Variants in STPG2 observed in about 807,000 individuals in gnomAD.
The protein encoded by STPG2 is sperm tail PG-rich repeat containing 2.
In STPG2, 56 loss-of-function variants were observed where a neutral mutation model predicts 54.2. That is an observed-to-expected ratio of 1.03 (90% CI 0.83 to 1.29). The LOEUF (loss-of-function observed/expected upper bound fraction) is 1.29, where lower values mean the gene tolerates loss of function less well. STPG2 is among the 50% of genes most tolerant of loss of function. STPG2 has a pLI of 0.00. For missense variants in STPG2, 596 were observed against 544.9 expected, an observed-to-expected ratio of 1.09 and a Z score of -0.93; for synonymous variants, 200 against 181.8, an observed-to-expected ratio of 1.10 and a Z score of -0.81.
At chr4:97,903,523 C>G (rs1731261884) in intron 8 of STPG2, among the ~76,000 whole-genome samples, 1 of 150,662 alleles carries the variant, frequency 6.6e-6, no homozygotes. Flanking sequence ...AATATAGAAT[C>G]AAAAATAAAG....
chr4:97,721,384 A>G (rs1001190680), intron 9 of STPG2, among the ~76,000 whole-genome samples: 2 of 152,118 alleles, frequency 1.3e-5, no homozygotes, highest in Non-Finnish European at 2.9e-5. Context: ...TCATAAGAGG[A>G]AGTTGGTTAT....
chr4:97,854,534 T>C (rs1187153667), intron 8 of STPG2, among the ~76,000 whole-genome samples: 1 of 149,522 alleles, frequency 6.7e-6, no homozygotes, highest in African/African-American at 2.4e-5. Flanking sequence ...TATTTAGTTC[T>C]TTTTTTACAC....
At chr4:97,995,186 C>A (rs958676708) in intron 5 of STPG2, among the ~76,000 whole-genome samples, 14 of 148,272 alleles carry the variant, frequency 9.4e-5, no homozygotes, top group African/African-American at 3.0e-4. Context: ...CCACCCCCTG[C>A]AATAGCACTG....
At chr4:98,117,234 T>C (rs1428584589) in intron 3 of STPG2, among the ~76,000 whole-genome samples, 2 of 152,046 alleles carry the variant, frequency 1.3e-5, no homozygotes, top group Non-Finnish European at 2.9e-5. Flanking sequence ...GGCAGTCTGT[T>C]TTTTCAACAC....
chr4:97,576,008 T>TTAC (rs1367022789), intron 10 of STPG2, among the ~76,000 whole-genome samples: 1 of 151,910 alleles, frequency 6.6e-6, no homozygotes, highest in Non-Finnish European at 1.5e-5. Flanking sequence ...GCAATCCCAT[T>TTAC]TACCATAGCC....
At chr4:97,865,446 T>A (rs1729732161) in intron 8 of STPG2, among the ~76,000 whole-genome samples, 1 of 152,154 alleles carries the variant, frequency 6.6e-6, no homozygotes, top group African/African-American at 2.4e-5. Context: ...CAACAGGTGC[T>A]GGAGAGGATG....
At chr4:98,025,876 G>T in intron 5 of STPG2, 1 of 1,598,102 alleles carries the variant, frequency 6.3e-7, no homozygotes, top group South Asian at 1.1e-5. Flanking sequence ...GCACCCTGAA[G>T]GGAGCTGTGG....
chr4:97,861,596 C>T (rs1450186472), intron 8 of STPG2, among the ~76,000 whole-genome samples: 1 of 152,000 alleles, frequency 6.6e-6, no homozygotes, highest in South Asian at 2.1e-4. Context: ...AATCTGGAAG[C>T]AACTTACGCG....
rs1174271479 is a variant in STPG2 at position 97,904,325 on chromosome 4, C to A, written c.1044+39572G>T. ...CCGAGCAGCCTAACTGGGAGGCACC[C>A]CCCAGCAGGGGCAGACTGACACCTC... is the stretch of plus-strand genomic sequence containing the variant. On this transcript the variant is annotated intron_variant, in intron 8 of 10. Transcript: ENST00000295268. Among the ~76,000 whole-genome samples the A allele has an allele frequency of 2.1e-4, 32 of 152,316 alleles. No homozygotes were observed. The East Asian group carries it at 2.3e-3, about 11-fold the overall frequency.
chr4:97,721,635 C>A (rs895480916), intron 9 of STPG2, among the ~76,000 whole-genome samples: 1 of 151,852 alleles, frequency 6.6e-6, no homozygotes, highest in African/African-American at 2.4e-5. Context: ...TATATGATGA[C>A]CGAAAGCTTA....
intron 4 of STPG2, among the ~76,000 whole-genome samples, chr4:97,480,066 C>T (rs1053704980): frequency 6.6e-6 from 1 of 151,620 alleles, no homozygotes; most frequent in Admixed American, 6.6e-5. Flanking sequence ...AACTGACAAA[C>T]TTCAAAATGA....
intron 10 of STPG2, among the ~76,000 whole-genome samples, chr4:97,579,570 C>A (rs562326233): frequency 1.3e-5 from 2 of 152,122 alleles, no homozygotes; most frequent in East Asian, 3.9e-4. Context: ...TTAAATATTG[C>A]TGGTGAAACT....
At position 97,991,728 on chromosome 4, in the gene STPG2, G is replaced by A. The variant is rs56111990; in HGVS notation, c.613-10410C>T. Among the ~76,000 whole-genome samples the A allele has an allele frequency of 7.8e-3, 1,191 of 151,970 alleles. 14 individuals are homozygous for A. The highest frequency in any genetic ancestry group is 0.027 in the African/African-American group (1,113 of 41,486). On this transcript the variant is annotated intron_variant, in intron 5 of 10. Transcript: ENST00000295268. ...TAGTTTATATTCCCACCAAACAGTG[G>A]AAAACTGTTCCCTTTTCACCACATC...
At chr4:98,036,456 C>T (rs182785572) in intron 5 of STPG2, among the ~76,000 whole-genome samples, 1 of 151,998 alleles carries the variant, frequency 6.6e-6, no homozygotes, top group East Asian at 1.9e-4. Flanking sequence ...TACATGTATA[C>T]CATGAAATAC....
chr4:97,755,617 T>G (rs1182353437), intron 9 of STPG2, among the ~76,000 whole-genome samples: 1 of 152,204 alleles, frequency 6.6e-6, no homozygotes, highest in Non-Finnish European at 1.5e-5. Flanking sequence ...CTCTCAAGAA[T>G]AGACTGTCAA....
At chr4:97,463,987 A>C (rs1729730599) in intron 4 of STPG2, among the ~76,000 whole-genome samples, 1 of 152,190 alleles carries the variant, frequency 6.6e-6, no homozygotes, top group African/African-American at 2.4e-5. Context: ...ACATAGATGT[A>C]CCAAAATTTG....
At chr4:97,981,833 T>TTATA (rs3047345) in intron 5 of STPG2, among the ~76,000 whole-genome samples, 39,950 of 142,880 alleles carry the variant, frequency 0.28, 6,103 homozygotes, top group Non-Finnish European at 0.34. Context: ...TATAAAATGT[T>TTATA]TATATATATA....
chr4:97,961,917 T>C (rs1020938718), intron 7 of STPG2, among the ~76,000 whole-genome samples: 8 of 152,198 alleles, frequency 5.3e-5, no homozygotes, highest in Admixed American at 4.6e-4. Context: ...CGCACGTTTA[T>C]AGCAGCATAA....
chr4:97,509,518 GAAAGA>G (rs1380526492), intron 4 of STPG2, among the ~76,000 whole-genome samples: 1 of 152,024 alleles, frequency 6.6e-6, no homozygotes, highest in Non-Finnish European at 1.5e-5. Flanking sequence ...TTACAAATGA[GAAAGA>G]AAAGTGTGAT....
Sources: allele counts gnomAD v4.1 joint callset (sites outside exome capture counted in the v4.1 genomes callset), GRCh38; gene constraint gnomAD v4.1.1; transcripts MANE v1.5; gene names NCBI Gene and HGNC (gene_info 2026-07-23, HGNC 2026-07-21).